The following ELP5 variants were observed in gnomAD, a reference collection of about 807,000 sequenced individuals.
ELP5 encodes the protein elongator acetyltransferase complex subunit 5.
In ELP5, 34 loss-of-function variants were observed where a neutral mutation model predicts 33.4. The observed-to-expected ratio is 1.02, with a 90% CI of 0.78 to 1.36. The LOEUF (loss-of-function observed/expected upper bound fraction) is 1.36. Ranked by LOEUF, ELP5 falls within the 40% of genes most tolerant of loss-of-function variation. The pLI, the probability that ELP5 is intolerant of heterozygous loss-of-function variation, is 0.00. For synonymous variants in ELP5, 161 were observed against 146.4 expected (o/e 1.10, Z -0.72); for missense variants, 373 against 371.7 (o/e 1.00, Z -0.03).
rs573899183 is a variant in ELP5, at chr17:7,257,705, G to A, written c.591+667G>A. Among the ~76,000 whole-genome samples, 28 of 152,188 alleles carry A rather than the reference G, an allele frequency of 1.8e-4. No individual in the cohort carries two copies. The East Asian group carries it at 5.4e-3, about 29-fold the overall frequency. On this transcript the variant is annotated intron_variant, in intron 5 of 7. Coordinates refer to ENST00000396628, the MANE Select transcript of ELP5 (RefSeq NM_203414.3). ...TCTGGCCTTGGTCTCCCAAAGTGCT[G>A]GGATTACAGGTGTGATCCACTGCAC...
chr17:7,255,376 A>T (rs1210118693), intron 4 of ELP5, among the ~76,000 whole-genome samples: 1 of 151,864 alleles, frequency 6.6e-6, no homozygotes, highest in Non-Finnish European at 1.5e-5. Flanking sequence ...ATACAAAAAA[A>T]AATTAGCCGG....
chr17:7,258,578 T>G lies in ELP5; in HGVS notation c.592-10T>G, dbSNP rs768549180. On this transcript the variant is annotated splice_polypyrimidine_tract_variant and intron_variant, in intron 5 of 7. Transcript: ENST00000396628. ...AAGATGAAAAAAACTCTTTTCTTTTTTCTCTCCAGACTCAGTGGTTCTCCA... is the reference window on the plus strand; with the variant it reads ...AAGATGAAAAAAACTCTTTTCTTTTGTCTCTCCAGACTCAGTGGTTCTCCA... 1 of 1,612,420 alleles carries G rather than the reference T, an allele frequency of 6.2e-7. No homozygotes were observed. The highest frequency in any genetic ancestry group is 1.1e-5 in the South Asian group (1 of 90,976).
chr17:7,259,545 A>G (rs536208932), intron 7 of ELP5, 26 bp from the exon 8 acceptor site: 2 of 1,613,832 alleles, frequency 1.2e-6, no homozygotes, highest in East Asian at 2.2e-5. Flanking sequence ...AGCTACCCTC[A>G]CCAGCACCAA....
At chr17:7,259,065 G>A in intron 7 of ELP5, 139 bp downstream of exon 7, 1 of 1,481,344 alleles carries the variant, frequency 6.8e-7, no homozygotes, top group Non-Finnish European at 8.9e-7. Context: ...CCAAGTTCTT[G>A]ATCCACCCAT....
Position 7,252,985 on chromosome 17 carries a change from G to A in ELP5, c.175G>A (p.Asp59Asn), listed in dbSNP as rs2071984895. The change falls in exon 3 of 8, where the codon GAT (aspartate) becomes AAT (asparagine). Residue 59 changes from aspartate (D) to asparagine (N), a missense_variant. By Grantham distance (23) the Asp-to-Asn change is conservative. Coordinates refer to ENST00000396628, the MANE Select transcript of ELP5 (RefSeq NM_203414.3). ...AGAGTTTCGTGAAGGTTTTGACTCTGATATCAACAATCGGTAAGTACCAGT... is the reference window on the plus strand; with the variant it reads ...AGAGTTTCGTGAAGGTTTTGACTCTAATATCAACAATCGGTAAGTACCAGT... ...EEEFREGFDS[D>N]INNRLVYHDF... 3.1e-6 allele frequency: 5 copies of A among 1,614,178 alleles called. No homozygotes were observed. The highest frequency in any genetic ancestry group is 4.2e-6 in the Non-Finnish European group (5 of 1,180,020).
Position 7,259,731 on chromosome 17 carries a change from C to T in ELP5, c.*46C>T, listed in dbSNP as rs1410929434. The T allele has an allele frequency of 2.5e-6, 4 of 1,612,022 alleles. No homozygotes were observed. The highest frequency in any genetic ancestry group is 2.2e-5 in the South Asian group (2 of 90,952). The stretch of plus-strand genomic sequence containing the variant: ...TGTAATTGGAGGGGGCGCGGGAAGA[C>T]TTTGGGCCCAGAACCATCTTTCTAT... On this transcript the variant is annotated 3_prime_UTR_variant, in exon 8 of 8. Transcript: ENST00000396628.
In ELP5 at chr17:7,252,300, C is replaced by T. The variant is rs571465473; in HGVS notation, c.-251C>T. On this transcript the variant is annotated 5_prime_UTR_variant, in exon 1 of 8. Transcript: ENST00000396628. ...ACAACTGCCCCAACTGCTCTTCCCG[C>T]CCCGGTCACAGTGAAAATGTAGACG... 36 of 587,332 alleles carry T rather than the reference C, an allele frequency of 6.1e-5. No homozygotes were observed. The highest frequency in any genetic ancestry group is 1.1e-4 in the Non-Finnish European group (36 of 326,900). The allele number at this position is 587,332 out of a possible 1,614,324, so 36.4% of individuals were successfully genotyped here.
At position 7,252,314 on chromosome 17, in the gene ELP5, A is replaced by C. The variant is rs901943228; in HGVS notation, c.-237A>C. ...TGCTCTTCCCGCCCCGGTCACAGTG[A>C]AAATGTAGACGGGGTCGTTGTCCGT... On this transcript the variant is annotated 5_prime_UTR_variant, in exon 1 of 8. Coordinates refer to ENST00000396628, the MANE Select transcript of ELP5 (RefSeq NM_203414.3). 9.8e-6 allele frequency: 6 copies of C among 612,374 alleles called. No homozygotes were observed. Among genetic ancestry groups the C allele is most frequent in the African/African-American group, 9.2e-5 (5 of 54,308 alleles). The allele number at this position is 612,374 out of a possible 1,614,324, so 37.9% of individuals were successfully genotyped here.
intron 4 of ELP5, 39 bp downstream of exon 4, chr17:7,254,842 C>T (rs749792669): frequency 1.3e-6 from 2 of 1,560,768 alleles, no homozygotes; most frequent in South Asian, 1.1e-5. Context: ...CATACATCTC[C>T]CTCTGCCAAG....
Position 7,259,743 on chromosome 17 carries a change from A to G in ELP5, c.*58A>G, listed in dbSNP as rs981609553. On this transcript the variant is annotated 3_prime_UTR_variant, in exon 8 of 8. Coordinates refer to ENST00000396628, the MANE Select transcript of ELP5 (RefSeq NM_203414.3). ...GGGCGCGGGAAGACTTTGGGCCCAG[A>G]ACCATCTTTCTATTGTTTGTGTTAG... is the stretch of plus-strand genomic sequence containing the variant. The G allele has an allele frequency of 7.5e-6, 12 of 1,606,822 alleles. No homozygotes were observed. Among genetic ancestry groups the G allele is most frequent in the Non-Finnish European group, 9.3e-6 (11 of 1,176,744 alleles).
At position 7,259,789 on chromosome 17, in the gene ELP5, ACCTTGGTTCCCCTTGTCTATGGAGCCCCG is replaced by A. The variant is rs1257512192; in HGVS notation, c.*110_*138del. 1.3e-6 allele frequency: 2 copies of A among 1,510,050 alleles called. No individual in the cohort carries two copies. The highest frequency in any genetic ancestry group is 1.4e-5 in the African/African-American group (1 of 72,674). 93.5% of individuals were successfully genotyped at this position (1,510,050 alleles called of 1,614,324 possible). On this transcript the variant is annotated 3_prime_UTR_variant, in exon 8 of 8. Coordinates refer to ENST00000396628, the MANE Select transcript of ELP5 (RefSeq NM_203414.3). Reference sequence around the variant, plus strand: ...GTTAGCCTTACCCTGTCCCTGCCCCACCTTGGTTCCCCTTGTCTATGGAGCCCCGCCTTGTGAGCCAGGAAGCAGCGTCT... The same window carrying A: ...GTTAGCCTTACCCTGTCCCTGCCCCACCTTGTGAGCCAGGAAGCAGCGTCT...
Position 7,252,762 on chromosome 17 carries a change from C to T in ELP5, c.47-8C>T. 6.2e-7 allele frequency: 1 copy of T among 1,614,242 alleles called. No homozygotes were observed. On this transcript the variant is annotated splice_polypyrimidine_tract_variant and splice_region_variant and intron_variant, in intron 1 of 7. Transcript: ENST00000396628. ...TCTCATACCCTTTATCCGTCCCTCG[C>T]TCTGCAGATTCCGTGGAGTGGGAGG...
Position 7,252,229 on chromosome 17 carries a change from T to G in ELP5, c.-322T>G. ...AGAGTGACGTCACTTGGCCCGCGCT[T>G]AGGGCCCTCGCGGGGGGCTTGTGGG... On this transcript the variant is annotated 5_prime_UTR_variant, in exon 1 of 8. Coordinates refer to ENST00000396628, the MANE Select transcript of ELP5 (RefSeq NM_203414.3). The G allele has an allele frequency of 2.2e-6, 1 of 450,304 alleles. No homozygotes were observed. Among genetic ancestry groups the G allele is most frequent in the Non-Finnish European group, 4.1e-6 (1 of 243,714 alleles). The allele number at this position is 450,304 out of a possible 1,614,324, so 27.9% of individuals were successfully genotyped here.
intron 4 of ELP5, among the ~76,000 whole-genome samples, chr17:7,255,713 G>A (rs890519548): frequency 6.6e-6 from 1 of 152,120 alleles, no homozygotes; most frequent in Non-Finnish European, 1.5e-5. Flanking sequence ...TATGGGGGAA[G>A]GTACAAGGGA....
At chr17:7,255,788 G>A (rs995048150) in intron 4 of ELP5, among the ~76,000 whole-genome samples, 7 of 151,978 alleles carry the variant, frequency 4.6e-5, no homozygotes, top group Non-Finnish European at 8.8e-5. Flanking sequence ...TTGTCTGGGC[G>A]CAGTGGCTCA....
chr17:7,252,715 G>C, intron 1 of ELP5, 55 bp from the exon 2 acceptor site: 1 of 1,613,008 alleles, frequency 6.2e-7, no homozygotes, highest in East Asian at 2.2e-5. Context: ...CGACGGGTTC[G>C]CGAAGGCGGT....
chr17:7,254,010 AAG>A (rs1016916253), intron 3 of ELP5, among the ~76,000 whole-genome samples: 5 of 114,996 alleles, frequency 4.3e-5, no homozygotes, highest in African/African-American at 2.0e-4. Flanking sequence ...AAAAAAAAAA[AAG>A]CGGGCACTCC....
At position 7,259,711 on chromosome 17, in the gene ELP5, T is replaced by C. The variant is rs749829467; in HGVS notation, c.*26T>C. ...CTGGCCAGATTTGATTAGATTGTAA[T>C]TGGAGGGGGCGCGGGAAGACTTTGG... is the stretch of plus-strand genomic sequence containing the variant. On this transcript the variant is annotated 3_prime_UTR_variant, in exon 8 of 8. Coordinates refer to ENST00000396628, the MANE Select transcript of ELP5 (RefSeq NM_203414.3). 6.2e-7 allele frequency: 1 copy of C among 1,614,092 alleles called. No individual in the cohort carries two copies. The highest frequency in any genetic ancestry group is 1.3e-5 in the African/African-American group (1 of 75,056).
intron 3 of ELP5, 105 bp downstream of exon 3, chr17:7,253,103 A>G (rs1424468759): frequency 8.2e-6 from 9 of 1,091,330 alleles, no homozygotes; most frequent in Middle Eastern, 2.0e-4. Context: ...AGTTCCTTAA[A>G]TATTCATTGA....
Sources: gnomAD v4.1 joint callset for allele counts (sites outside exome capture counted in the v4.1 genomes callset) on GRCh38, gnomAD v4.1.1 for gene constraint, MANE v1.5 for transcripts, NCBI Gene and HGNC (gene_info 2026-07-23, HGNC 2026-07-21) for gene names.